RBPMS: variants seen among roughly 807,000 people sequenced by gnomAD.
RBPMS encodes RNA binding protein, mRNA processing factor.
In RBPMS, 7 loss-of-function variants were observed where a neutral mutation model predicts 26.8. The observed-to-expected ratio is 0.26, with a 90% CI of 0.15 to 0.49. The LOEUF (loss-of-function observed/expected upper bound fraction) is 0.49, where lower values mean the gene tolerates loss of function less well. Ranked by LOEUF, RBPMS falls within the 20% of genes least tolerant of loss-of-function variation. RBPMS has a pLI of 0.98. For synonymous variants in RBPMS, 96 were observed against 93.3 expected, an observed-to-expected ratio of 1.03 and a Z score of -0.17; for missense variants, 186 against 250.0, an observed-to-expected ratio of 0.74 and a Z score of 1.73.
chr8:30,436,366 T>A (rs1812447365), intron 1 of RBPMS, among the ~76,000 whole-genome samples: 2 of 152,226 alleles, frequency 1.3e-5, no homozygotes, highest in Non-Finnish European at 2.9e-5. Flanking sequence ...ATGACTACCA[T>A]AATTAACCTA....
At chr8:30,478,325 T>G (rs974682632) in intron 3 of RBPMS, among the ~76,000 whole-genome samples, 3 of 152,014 alleles carry the variant, frequency 2.0e-5, no homozygotes, top group African/African-American at 7.2e-5. Flanking sequence ...AGATTGTAGC[T>G]ATATACTTTT....
intron 6 of RBPMS, chr8:30,552,505 G>A (rs777076214): frequency 3.9e-5 from 6 of 152,206 alleles, no homozygotes; most frequent in Non-Finnish European, 7.3e-5. Context: ...AGCTTTGTGC[G>A]TTCTGCCACG....
chr8:30,387,974 C>T (rs186036041), intron 1 of RBPMS, among the ~76,000 whole-genome samples: 1,531 of 147,816 alleles, frequency 0.01, 26 homozygotes, highest in Admixed American at 0.042. Flanking sequence ...TGTATTAATA[C>T]TTCTACTTTG....
At chr8:30,515,501 A>G (rs1822213391) in intron 5 of RBPMS, among the ~76,000 whole-genome samples, 1 of 152,218 alleles carries the variant, frequency 6.6e-6, no homozygotes, top group African/African-American at 2.4e-5. Flanking sequence ...ACAATATGTT[A>G]CAATAGATTT....
chr8:30,539,892 C>T (rs1243054731), intron 5 of RBPMS, among the ~76,000 whole-genome samples: 2 of 152,178 alleles, frequency 1.3e-5, no homozygotes, highest in Non-Finnish European at 2.9e-5. Flanking sequence ...TCCCAAAGTG[C>T]TGGGATTACA....
At chr8:30,446,317 A>C (rs4416792) in intron 1 of RBPMS, among the ~76,000 whole-genome samples, 70,857 of 151,970 alleles carry the variant, frequency 0.47, 16,553 homozygotes, top group Middle Eastern at 0.59. Flanking sequence ...TATTGCCTTT[A>C]ATGTAAGAAT....
At chr8:30,387,503 C>T (rs552947297) in intron 1 of RBPMS, among the ~76,000 whole-genome samples, 3 of 152,260 alleles carry the variant, frequency 2.0e-5, no homozygotes, top group African/African-American at 7.2e-5. Context: ...CCTTTCCCTG[C>T]CCACCCATTG....
intron 1 of RBPMS, among the ~76,000 whole-genome samples, chr8:30,474,128 A>C (rs1171458208): frequency 6.6e-6 from 1 of 152,168 alleles, no homozygotes; most frequent in Non-Finnish European, 1.5e-5. Flanking sequence ...AATGGGAACA[A>C]TAGTCAGTGA....
chr8:30,446,854 C>CGCACGCGCGCGCGCACGT (rs1554515793), intron 1 of RBPMS: 1 of 138,010 alleles, frequency 7.2e-6, no homozygotes, highest in African/African-American at 2.9e-5. Flanking sequence ...CGCGCGCGCG[C>CGCACGCGCGCGCGCACGT]GCGCGGTGGA....
chr8:30,516,791 G>C (rs1225336818), intron 5 of RBPMS, among the ~76,000 whole-genome samples: 1 of 152,042 alleles, frequency 6.6e-6, no homozygotes, highest in Non-Finnish European at 1.5e-5. Flanking sequence ...CTACTCAGGA[G>C]GCTAAAGCAA....
At chr8:30,556,803 G>C (rs1826964458) in intron 6 of RBPMS, 3 of 985,570 alleles carry the variant, frequency 3.0e-6, no homozygotes, top group East Asian at 2.3e-4. Flanking sequence ...GGGTAGGTAT[G>C]AGTTCTTTCT....
chr8:30,453,537 A>G (rs1191243882), intron 1 of RBPMS: 4 of 152,238 alleles, frequency 2.6e-5, no homozygotes. Context: ...CATTATTCAC[A>G]GTAAAGAATA....
chr8:30,545,917 G>C (rs998061594), intron 6 of RBPMS, among the ~76,000 whole-genome samples: 1 of 152,176 alleles, frequency 6.6e-6, no homozygotes, highest in African/African-American at 2.4e-5. Flanking sequence ...TGGTGGTTGA[G>C]AGTACATGGC....
intron 1 of RBPMS, among the ~76,000 whole-genome samples, chr8:30,443,982 C>T (rs557505497): frequency 1.5e-4 from 22 of 150,686 alleles, no homozygotes; most frequent in African/African-American, 4.9e-4. Context: ...CTGCAATCTC[C>T]ACCTCCCAGG....
At chr8:30,558,093 A>T (rs1827118915) in intron 6 of RBPMS, 1 of 151,588 alleles carries the variant, frequency 6.6e-6, no homozygotes, top group Admixed American at 6.6e-5. Context: ...TGAACTCCTG[A>T]CCTTAGGTGA....
intron 8 of RBPMS, 56 bp downstream of exon 8, chr8:30,566,416 G>A (rs1013299144): frequency 1.9e-6 from 1 of 515,682 alleles, no homozygotes; most frequent in Non-Finnish European, 2.5e-6. Context: ...GAACACGTGG[G>A]AACTGTGGGC....
intron 1 of RBPMS, among the ~76,000 whole-genome samples, chr8:30,424,497 TTTAA>T (rs1445055743): frequency 1.4e-4 from 22 of 152,136 alleles, no homozygotes; most frequent in African/African-American, 5.3e-4. Flanking sequence ...ACATTGGAAA[TTTAA>T]TTATAAGTTA....
chr8:30,504,449 A>G lies in RBPMS; in HGVS notation c.397+13A>G, dbSNP rs993148138. 1 of 1,612,592 alleles carries G rather than the reference A, an allele frequency of 6.2e-7. No homozygotes were observed. Among genetic ancestry groups the G allele is most frequent in the South Asian group, 1.1e-5 (1 of 91,024 alleles). ...GCCAGAGAGCCATGTAAGTCGATCTACTTTTCATTCAAAAGTAATAATAAC... is the reference window on the plus strand; with the variant it reads ...GCCAGAGAGCCATGTAAGTCGATCTGCTTTTCATTCAAAAGTAATAATAAC... On this transcript the variant is annotated intron_variant, in intron 5 of 8. Coordinates refer to ENST00000397323, the MANE Select transcript of RBPMS (RefSeq NM_001008710.3).
chr8:30,495,411 C>A (rs1018508811), intron 4 of RBPMS, among the ~76,000 whole-genome samples: 5 of 151,910 alleles, frequency 3.3e-5, no homozygotes, highest in African/African-American at 1.2e-4. Flanking sequence ...ACTCATGGCC[C>A]AGCATCACCT....
Sources: allele counts gnomAD v4.1 joint callset (sites outside exome capture counted in the v4.1 genomes callset), GRCh38; gene constraint gnomAD v4.1.1; transcripts MANE v1.5; gene names NCBI Gene and HGNC (gene_info 2026-07-23, HGNC 2026-07-21).